The following YES1 variants were observed in gnomAD, a reference collection of about 807,000 sequenced individuals.
YES1 encodes the protein tyrosine-protein kinase Yes.
A neutral mutation model predicts 70.4 loss-of-function variants in YES1; 39 were observed. The observed-to-expected ratio is 0.55, with a 90% CI of 0.43 to 0.72. The LOEUF (loss-of-function observed/expected upper bound fraction) is 0.72. Ranked by LOEUF, YES1 falls within the 30% of genes least tolerant of loss-of-function variation. YES1 has a pLI of 0.00. For synonymous variants in YES1, 198 were observed against 218.6 expected (o/e 0.91, Z 0.83); for missense variants, 495 against 644.8 (o/e 0.77, Z 2.52).
chr18:739,855 A>G (rs1019280528), intron 8 of YES1, 44 bp from the exon 9 acceptor site: 1 of 1,476,684 alleles, frequency 6.8e-7, no homozygotes, highest in Non-Finnish European at 9.4e-7. Flanking sequence ...AGCAAATCTT[A>G]TATTAGGATT....
chr18:746,779 T>G (rs3911637), intron 4 of YES1, among the ~76,000 whole-genome samples: 17,900 of 152,214 alleles, frequency 0.12, 1,187 homozygotes, highest in East Asian at 0.27. Context: ...GGTGAATTTT[T>G]ACTTTTTAAA....
chr18:809,876 G>C (rs897793206), intron 1 of YES1, among the ~76,000 whole-genome samples: 7 of 152,140 alleles, frequency 4.6e-5, no homozygotes, highest in Non-Finnish European at 1.0e-4. Context: ...CTCCTACCAG[G>C]TTAAAAGAAC....
rs140429143 is a variant in YES1 at position 801,559 on chromosome 18, C to G, written c.-9+10555G>C. ...TAACTGAACCATCAGGCAATAAAGACCTTCCATCTATTTCTACTAACTCAC... is the reference window on the plus strand; with the variant it reads ...TAACTGAACCATCAGGCAATAAAGAGCTTCCATCTATTTCTACTAACTCAC... On this transcript the variant is annotated intron_variant, in intron 1 of 11. Coordinates refer to ENST00000314574, the MANE Select transcript of YES1 (RefSeq NM_005433.4). 2.0e-5 allele frequency among the ~76,000 whole-genome samples: 3 copies of G among 152,228 alleles called. No homozygotes were observed. The East Asian group carries it at 5.8e-4, about 29-fold the overall frequency.
intron 1 of YES1, among the ~76,000 whole-genome samples, chr18:810,161 A>G (rs887921796): frequency 2.0e-5 from 3 of 152,244 alleles, no homozygotes; most frequent in Admixed American, 1.3e-4. Context: ...TAGCCATAGT[A>G]GTAAATCATT....
intron 2 of YES1, 136 bp downstream of exon 2, chr18:756,421 G>T: frequency 8.4e-7 from 1 of 1,196,946 alleles, no homozygotes. Context: ...TTTTATGTTA[G>T]AGACTGATTT....
At chr18:805,013 A>G (rs1375251959) in intron 1 of YES1, among the ~76,000 whole-genome samples, 1 of 152,086 alleles carries the variant, frequency 6.6e-6, no homozygotes, top group East Asian at 1.9e-4. Flanking sequence ...TGTCAAGTCC[A>G]TGGGTCAGTT....
chr18:781,595 T>C (rs1226075622), intron 1 of YES1, among the ~76,000 whole-genome samples: 1 of 152,222 alleles, frequency 6.6e-6, no homozygotes, highest in East Asian at 1.9e-4. Flanking sequence ...ATTTCTCTCT[T>C]GTAGCTTAGC....
intron 1 of YES1, among the ~76,000 whole-genome samples, chr18:795,645 T>A (rs780044402): frequency 2.0e-5 from 3 of 147,660 alleles, no homozygotes; most frequent in African/African-American, 7.6e-5. Context: ...CTCAGCAAAC[T>A]AACACAGGAA....
intron 1 of YES1, among the ~76,000 whole-genome samples, chr18:782,390 C>A (rs933052095): frequency 7.9e-5 from 12 of 152,110 alleles, no homozygotes; most frequent in Non-Finnish European, 1.5e-4. Context: ...CCTCTCCAGC[C>A]AAGAGGCAGG....
intron 2 of YES1, among the ~76,000 whole-genome samples, chr18:753,957 A>C (rs563868712): frequency 6.6e-6 from 1 of 152,176 alleles, no homozygotes; most frequent in South Asian, 2.1e-4. Flanking sequence ...TATCAGTTTT[A>C]CCTCTAAAAT....
At chr18:795,195 T>C (rs142534704) in intron 1 of YES1, among the ~76,000 whole-genome samples, 2 of 152,302 alleles carry the variant, frequency 1.3e-5, no homozygotes, top group Non-Finnish European at 2.9e-5. Flanking sequence ...GTTGAACTTG[T>C]TGAATTCAGT....
chr18:760,603 A>G (rs769423830), intron 1 of YES1, among the ~76,000 whole-genome samples: 10 of 152,208 alleles, frequency 6.6e-5, no homozygotes, highest in Non-Finnish European at 1.5e-4. Context: ...TTTGGTATCC[A>G]CAGGAGGTTC....
At chr18:765,081 T>G (rs988404689) in intron 1 of YES1, among the ~76,000 whole-genome samples, 4 of 151,060 alleles carry the variant, frequency 2.6e-5, no homozygotes, top group Non-Finnish European at 5.9e-5. Context: ...ATGTACAGCT[T>G]TAGAGGAAAT....
rs538205512 is a variant in YES1 at position 747,903 on chromosome 18, A to T, written c.470+17T>A. ...CAAAAATCAAAATAATTAATAAAATATGAAGTAGTGCCATACTCTTCTGCC... is the reference window on the plus strand; with the variant it reads ...CAAAAATCAAAATAATTAATAAAATTTGAAGTAGTGCCATACTCTTCTGCC... On this transcript the variant is annotated intron_variant, in intron 4 of 11. Transcript: ENST00000314574. The T allele has an allele frequency of 6.2e-7, 1 of 1,606,814 alleles. No homozygotes were observed. Among genetic ancestry groups the T allele is most frequent in the South Asian group, 1.1e-5 (1 of 90,242 alleles).
At chr18:795,826 C>T (rs1348342449) in intron 1 of YES1, among the ~76,000 whole-genome samples, 9 of 151,496 alleles carry the variant, frequency 5.9e-5, no homozygotes, top group Non-Finnish European at 7.4e-5. Context: ...GACTAGATGA[C>T]GGGTTGATAG....
chr18:765,476 G>A (rs1904860041), intron 1 of YES1, among the ~76,000 whole-genome samples: 2 of 147,026 alleles, frequency 1.4e-5, no homozygotes, highest in Admixed American at 1.4e-4. Flanking sequence ...TTGGCTCAGT[G>A]CAACCTCCCG....
Position 757,310 on chromosome 18 carries a change from T to C in YES1, c.-8-475A>G, listed in dbSNP as rs376669018. ...CGAGGTCAGGAGATTGAGACCATCC[T>C]GGCTAACACGGTGAAACCCCGCCTC... On this transcript the variant is annotated intron_variant, in intron 1 of 11. Transcript: ENST00000314574. Among the ~76,000 whole-genome samples the C allele has an allele frequency of 4.2e-3, 644 of 151,714 alleles. 6 individuals are homozygous for C. Among genetic ancestry groups the C allele is most frequent in the East Asian group, 0.041 (210 of 5,136 alleles).
intron 1 of YES1, among the ~76,000 whole-genome samples, chr18:785,819 C>A (rs1905908233): frequency 6.6e-6 from 1 of 151,364 alleles, no homozygotes; most frequent in Non-Finnish European, 1.5e-5. Context: ...CACCAGTAGT[C>A]CCAGCTACTT....
At chr18:798,276 T>A (rs1380028140) in intron 1 of YES1, 1 of 152,262 alleles carries the variant, frequency 6.6e-6, no homozygotes, top group Non-Finnish European at 1.5e-5. Context: ...TACAGATTCA[T>A]GACTTCTTAC....
Sources: allele counts gnomAD v4.1 joint callset (sites outside exome capture counted in the v4.1 genomes callset), GRCh38; gene constraint gnomAD v4.1.1; transcripts MANE v1.5; gene names NCBI Gene and HGNC (gene_info 2026-07-23, HGNC 2026-07-21).